The following WWP1 variants were observed in gnomAD, a reference collection of about 807,000 sequenced individuals.
The protein encoded by WWP1 is NEDD4-like E3 ubiquitin-protein ligase WWP1.
In WWP1, 49 loss-of-function variants were observed where a neutral mutation model predicts 130.6. The ratio of observed to expected loss-of-function variants is 0.38; its 90% CI spans 0.30 to 0.48. The LOEUF (loss-of-function observed/expected upper bound fraction) is 0.48, where lower values mean the gene tolerates loss of function less well. Among genes scored for constraint, WWP1 ranks in the 20% least tolerant of loss-of-function variants. WWP1 has a pLI of 0.99. For synonymous variants in WWP1, 332 were observed against 367.8 expected (o/e 0.90, Z 1.11); for missense variants, 809 against 1,100.6 (o/e 0.74, Z 3.75).
At chr8:86,429,461 TA>T (rs1809817323) in intron 11 of WWP1, among the ~76,000 whole-genome samples, 1 of 152,208 alleles carries the variant, frequency 6.6e-6, no homozygotes, top group Admixed American at 6.5e-5. Context: ...TTTAAGAAAT[TA>T]TTTTTCAGGT....
At chr8:86,425,650 T>G (rs1360761266) in intron 10 of WWP1, among the ~76,000 whole-genome samples, 1 of 152,200 alleles carries the variant, frequency 6.6e-6, no homozygotes, top group Non-Finnish European at 1.5e-5. Context: ...TAAACTATGT[T>G]ATTTCATAAG....
intron 9 of WWP1, among the ~76,000 whole-genome samples, chr8:86,414,827 A>G (rs1468217502): frequency 6.8e-6 from 1 of 147,640 alleles, no homozygotes; most frequent in East Asian, 1.9e-4. Flanking sequence ...GAAAAATTGG[A>G]CAGTGTATTA....
intron 20 of WWP1, among the ~76,000 whole-genome samples, chr8:86,448,875 G>A (rs10107469): frequency 0.14 from 20,989 of 152,008 alleles, 3,929 homozygotes; most frequent in African/African-American, 0.43. Flanking sequence ...TCACTCTGTC[G>A]CTCAGGCCGT....
chr8:86,343,807 T>C (rs1822394389), intron 1 of WWP1, among the ~76,000 whole-genome samples: 1 of 152,128 alleles, frequency 6.6e-6, no homozygotes, highest in Admixed American at 6.6e-5. Context: ...AATTTTTTTC[T>C]GTGTGTGTGT....
intron 14 of WWP1, among the ~76,000 whole-genome samples, chr8:86,434,425 G>A (rs1260059299): frequency 2.0e-5 from 3 of 152,036 alleles, no homozygotes; most frequent in Admixed American, 1.3e-4. Context: ...CGTCTGCCTG[G>A]TATGCTCTTT....
At chr8:86,442,819 C>G in intron 18 of WWP1, 41 bp downstream of exon 18, 1 of 1,461,278 alleles carries the variant, frequency 6.8e-7, no homozygotes. Context: ...AAGTTTGTTA[C>G]AAATGTATTA....
chr8:86,350,013 G>C (rs111584726), intron 1 of WWP1, among the ~76,000 whole-genome samples: 3 of 152,162 alleles, frequency 2.0e-5, no homozygotes, highest in African/African-American at 7.2e-5. Context: ...AGCCCCAATG[G>C]CATTTTCTGT....
At chr8:86,391,700 G>A (rs1001649125) in intron 5 of WWP1, among the ~76,000 whole-genome samples, 1 of 151,608 alleles carries the variant, frequency 6.6e-6, no homozygotes, top group African/African-American at 2.4e-5. Context: ...GGGGTGGGGG[G>A]TTCAATGGAG....
intron 3 of WWP1, 122 bp from the exon 4 acceptor site, chr8:86,380,604 C>A: frequency 8.9e-7 from 1 of 1,121,924 alleles, no homozygotes; most frequent in African/African-American, 1.6e-5. Flanking sequence ...ATTGTTTCTT[C>A]ATTCTGCCAA....
In WWP1 at chr8:86,431,595, A is replaced by T; in HGVS notation, c.1473-20A>T. ...GTACCTAGAAAAGGTTCATCTTGTGATTTTAACTTTATCTTTTAGCTTACA... is the reference window on the plus strand; with the variant it reads ...GTACCTAGAAAAGGTTCATCTTGTGTTTTTAACTTTATCTTTTAGCTTACA... On this transcript the variant is annotated intron_variant, in intron 13 of 24. Transcript: ENST00000517970. The T allele has an allele frequency of 6.2e-7, 1 of 1,612,898 alleles. No individual in the cohort carries two copies. The highest frequency in any genetic ancestry group is 8.5e-7 in the Non-Finnish European group (1 of 1,179,682).
At position 86,432,727 on chromosome 8, in the gene WWP1, C is replaced by T. The variant is rs575413526; in HGVS notation, c.1601+984C>T. Among the ~76,000 whole-genome samples the T allele has an allele frequency of 1.4e-4, 22 of 152,136 alleles. 2 individuals are homozygous for T. Among genetic ancestry groups the T allele is most frequent in the African/African-American group, 4.3e-4 (18 of 41,530 alleles). ...GGTTCAAGCGATTCTCCTGCCTCAG[C>T]CCCCTGAGTAGCTGGGATTACAGGC... On this transcript the variant is annotated intron_variant, in intron 14 of 24. Transcript: ENST00000517970.
At chr8:86,380,941 A>G (rs1824948757) in intron 4 of WWP1, 77 bp downstream of exon 4, 1 of 1,417,436 alleles carries the variant, frequency 7.1e-7, no homozygotes, top group East Asian at 2.6e-5. Context: ...GTTTTGTAAA[A>G]TGACTTCAAA....
chr8:86,465,618 T>C (rs1054946207), intron 24 of WWP1, among the ~76,000 whole-genome samples: 1 of 152,132 alleles, frequency 6.6e-6, no homozygotes, highest in Non-Finnish European at 1.5e-5. Context: ...AGACCCTGTC[T>C]CCAAATAAAT....
At chr8:86,366,250 G>C (rs1027673010) in intron 1 of WWP1, among the ~76,000 whole-genome samples, 2 of 152,218 alleles carry the variant, frequency 1.3e-5, no homozygotes, top group South Asian at 2.1e-4. Flanking sequence ...CTAGTGAATG[G>C]AATGGAGATC....
At chr8:86,349,358 A>G (rs1294118387) in intron 1 of WWP1, among the ~76,000 whole-genome samples, 2 of 152,238 alleles carry the variant, frequency 1.3e-5, no homozygotes, top group African/African-American at 2.4e-5. Flanking sequence ...TGTAAGGGAT[A>G]CAGTATCATT....
intron 5 of WWP1, among the ~76,000 whole-genome samples, chr8:86,385,981 G>A (rs1825259688): frequency 6.6e-6 from 1 of 152,130 alleles, no homozygotes; most frequent in Non-Finnish European, 1.5e-5. Flanking sequence ...GTGGTACCCT[G>A]CTCCTGAAAC....
At chr8:86,365,294 A>C (rs1196146648) in intron 1 of WWP1, among the ~76,000 whole-genome samples, 1 of 152,178 alleles carries the variant, frequency 6.6e-6, no homozygotes, top group East Asian at 1.9e-4. Context: ...TATATTGTGC[A>C]CTGAAAGGAA....
chr8:86,446,273 C>T (rs982627271), intron 18 of WWP1, among the ~76,000 whole-genome samples: 11 of 152,106 alleles, frequency 7.2e-5, no homozygotes, highest in Admixed American at 2.6e-4. Flanking sequence ...TGAGCCACTG[C>T]GCCCAGCAGC....
Position 86,421,835 on chromosome 8 carries a change from T to A in WWP1, c.1062-3388T>A, listed in dbSNP as rs565131231. Among the ~76,000 whole-genome samples the A allele has an allele frequency of 8.3e-3, 1,257 of 151,318 alleles. 14 individuals carry two copies. Among genetic ancestry groups the A allele is most frequent in the East Asian group, 0.035 (179 of 5,164 alleles). ...GAGACGCCATCTCAAAAAAAAAAAA[T>A]TTTTTTTGAAAATATAAATTTACCA... On this transcript the variant is annotated intron_variant, in intron 9 of 24. Transcript: ENST00000517970.
Sources: gnomAD v4.1 joint callset for allele counts (sites outside exome capture counted in the v4.1 genomes callset) on GRCh38, gnomAD v4.1.1 for gene constraint, MANE v1.5 for transcripts, NCBI Gene and HGNC (gene_info 2026-07-23, HGNC 2026-07-21) for gene names.